PARP4: variants seen among roughly 807,000 people sequenced by gnomAD.
The protein encoded by PARP4 is poly(ADP-ribose) polymerase family member 4, also known as protein mono-ADP-ribosyltransferase PARP4.
In PARP4, 120 loss-of-function variants were observed where a neutral mutation model predicts 187.7. That is an observed-to-expected ratio of 0.64 (90% CI 0.55 to 0.74). PARP4 has a LOEUF of 0.74. Ranked by LOEUF, PARP4 falls within the 30% of genes least tolerant of loss-of-function variation. PARP4 has a pLI of 0.00. For missense variants in PARP4, 1,836 were observed against 2,070.5 expected (o/e 0.89, Z 2.20); for synonymous variants, 654 against 740.9 (o/e 0.88, Z 1.90).
intron 31 of PARP4, among the ~76,000 whole-genome samples, chr13:24,432,335 A>G (rs1447140514): frequency 4.6e-5 from 7 of 152,202 alleles, no homozygotes; most frequent in Admixed American, 3.9e-4. Flanking sequence ...CTTTTAAAGT[A>G]TATGTCATGC....
chr13:24,444,956 G>A (rs1454020073), intron 27 of PARP4, among the ~76,000 whole-genome samples: 8 of 152,172 alleles, frequency 5.3e-5, no homozygotes, highest in Admixed American at 5.2e-4. Flanking sequence ...CGTTACCAGA[G>A]GTGCTTCTAT....
chr13:24,507,882 C>A (rs780658469), intron 1 of PARP4, among the ~76,000 whole-genome samples: 1 of 152,194 alleles, frequency 6.6e-6, no homozygotes, highest in Non-Finnish European at 1.5e-5. Flanking sequence ...ATCTCTGGGA[C>A]CCCCAGCCCT....
chr13:24,494,559 T>G lies in PARP4; in HGVS notation c.741+14A>C. 6.3e-7 allele frequency: 1 copy of G among 1,593,690 alleles called. No individual in the cohort carries two copies. Among genetic ancestry groups the G allele is most frequent in the Non-Finnish European group, 8.5e-7 (1 of 1,171,792 alleles). ...TATTCAATCAACAACAAAAAAATTA[T>G]AAATCAATCTCACTGCTTGCAATTG... On this transcript the variant is annotated intron_variant, in intron 7 of 33. Transcript: ENST00000381989.
At chr13:24,449,364 G>A (rs1424908920) in intron 25 of PARP4, among the ~76,000 whole-genome samples, 2 of 136,982 alleles carry the variant, frequency 1.5e-5, no homozygotes, top group Non-Finnish European at 3.1e-5. Flanking sequence ...CTCCAGCCTG[G>A]GCGACAGAGC....
At chr13:24,431,582 C>G (rs7996670) in intron 31 of PARP4, 106 bp from the exon 32 acceptor site, 255,248 of 724,124 alleles carry the variant, frequency 0.35, 45,601 homozygotes, top group Non-Finnish European at 0.37. Flanking sequence ...AACATATTTT[C>G]ACTACTTGGG....
At chr13:24,466,642 A>C (rs1337167887) in intron 17 of PARP4, among the ~76,000 whole-genome samples, 2 of 151,930 alleles carry the variant, frequency 1.3e-5, no homozygotes, top group Non-Finnish European at 2.9e-5. Context: ...TAAAAATACA[A>C]AAATTAGCTG....
At chr13:24,457,445 A>G (rs747249260) in intron 20 of PARP4, among the ~76,000 whole-genome samples, 2 of 152,144 alleles carry the variant, frequency 1.3e-5, no homozygotes, top group African/African-American at 2.4e-5. Flanking sequence ...AAAAGTGTCC[A>G]TGCAACGGGC....
rs762158628 is a variant in PARP4 at position 24,499,269 on chromosome 13, T to A, written c.477+32A>T. On this transcript the variant is annotated intron_variant, in intron 5 of 33. Coordinates refer to ENST00000381989, the MANE Select transcript of PARP4 (RefSeq NM_006437.4). The stretch of plus-strand genomic sequence containing the variant: ...GACATTCAAACAGGTGTGTTTTTTT[T>A]TTTTTTTGCTAACTAGAAATCAGAT... 7.2e-5 allele frequency: 104 copies of A among 1,447,458 alleles called. 2 individuals are homozygous for A. The highest frequency in any genetic ancestry group is 6.8e-5 in the Non-Finnish European group (75 of 1,106,062). The allele number at this position is 1,447,458 out of a possible 1,614,324, so 89.7% of individuals were successfully genotyped here. A position where few individuals can be genotyped will look rare whatever the true frequency, so the allele number is the denominator to read the frequency against.
At chr13:24,494,824 A>T (rs1365468927) in intron 6 of PARP4, 102 bp from the exon 7 acceptor site, 8 of 737,894 alleles carry the variant, frequency 1.1e-5, no homozygotes, top group Non-Finnish European at 1.7e-5. Context: ...GAAGCTTAGA[A>T]ATTAGTTTTT....
At chr13:24,498,353 A>G in intron 5 of PARP4, 124 bp from the exon 6 acceptor site, 1 of 619,824 alleles carries the variant, frequency 1.6e-6, no homozygotes, top group Non-Finnish European at 2.8e-6. Context: ...GAAAATATAG[A>G]AAAGTATCAA....
At chr13:24,470,891 A>C (rs56906391) in intron 15 of PARP4, among the ~76,000 whole-genome samples, 2,027 of 152,244 alleles carry the variant, frequency 0.013, 43 homozygotes, top group African/African-American at 0.046. Context: ...GAGTCTCCCC[A>C]AATCAGCAGG....
chr13:24,456,220 T>A (rs747638512), intron 21 of PARP4, 121 bp downstream of exon 21: 1 of 718,704 alleles, frequency 1.4e-6, no homozygotes, highest in Non-Finnish European at 2.2e-6. Context: ...AATCTTGAGA[T>A]GTGAGAGTTC....
chr13:24,432,763 T>G (rs897619430), intron 31 of PARP4, among the ~76,000 whole-genome samples: 1 of 151,762 alleles, frequency 6.6e-6, no homozygotes, highest in Non-Finnish European at 1.5e-5. Flanking sequence ...ACTTTAAAAC[T>G]ACCTTCCCTG....
intron 10 of PARP4, among the ~76,000 whole-genome samples, chr13:24,489,777 G>A (rs1868531418): frequency 1.3e-5 from 2 of 152,192 alleles, no homozygotes; most frequent in South Asian, 4.1e-4. Context: ...GTTTTAGTGG[G>A]GCTCTGGAAA....
Position 24,501,938 on chromosome 13 carries a change from G to A in PARP4, c.133-104C>T. 5 of 717,084 alleles carry A rather than the reference G, an allele frequency of 7.0e-6. No individual in the cohort carries two copies. In the South Asian group the frequency reaches 7.6e-5, roughly 11 times the overall value. The allele number at this position is 717,084 out of a possible 1,614,324, so 44.4% of individuals were successfully genotyped here. A position where few individuals can be genotyped will look rare whatever the true frequency, so the allele number is the denominator to read the frequency against. On this transcript the variant is annotated intron_variant, in intron 2 of 33. Coordinates refer to ENST00000381989, the MANE Select transcript of PARP4 (RefSeq NM_006437.4). The stretch of plus-strand genomic sequence containing the variant: ...CCCTTAGAAAGTATTAAGGTAGTTT[G>A]TGATAATCTTTCTCAAATTTCGAAA...
Position 24,491,340 on chromosome 13 carries a change from T to G in PARP4, c.1054-512A>C, listed in dbSNP as rs185958146. ...TTTCACCATGTTGGCCAGGCTGGTC[T>G]CAAACTCCTGACTGGTGATCCATCT... On this transcript the variant is annotated intron_variant, in intron 9 of 33. Transcript: ENST00000381989. Among the ~76,000 whole-genome samples the G allele has an allele frequency of 1.4e-4, 22 of 152,286 alleles. 1 individual carries two copies. The East Asian group carries it at 4.2e-3, about 29-fold the overall frequency.
intron 2 of PARP4, among the ~76,000 whole-genome samples, chr13:24,503,348 T>C (rs1475477863): frequency 2.0e-5 from 3 of 152,210 alleles, no homozygotes; most frequent in Non-Finnish European, 4.4e-5. Flanking sequence ...CCTTCAAGAA[T>C]AGATATGGCT....
At position 24,486,248 on chromosome 13, in the gene PARP4, T is replaced by C. The variant is rs766154983; in HGVS notation, c.1272A>G (p.Thr424=). The C allele has an allele frequency of 1.8e-5, 29 of 1,611,626 alleles. No individual in the cohort carries two copies. The highest frequency in any genetic ancestry group is 2.4e-5 in the Non-Finnish European group (28 of 1,177,860). ...IFRVGRVNET[T]EFLSKLGNVR... ...CATTACCAAGTTTGCTCAAAAACTC[T>C]GTGGTTTCATTCACTCTGCCAACTC... Residue 424 remains threonine, a synonymous_variant, in exon 11 of 34, where the codon ACA becomes ACG. Transcript: ENST00000381989.
chr13:24,445,512 G>C (rs1262390522), intron 27 of PARP4, among the ~76,000 whole-genome samples: 1 of 152,136 alleles, frequency 6.6e-6, no homozygotes, highest in Non-Finnish European at 1.5e-5. Flanking sequence ...CCCACCTAAA[G>C]GGGTTCAGGG....
Sources: gnomAD v4.1 joint callset for allele counts (sites outside exome capture counted in the v4.1 genomes callset) on GRCh38, gnomAD v4.1.1 for gene constraint, MANE v1.5 for transcripts, NCBI Gene and HGNC (gene_info 2026-07-23, HGNC 2026-07-21) for gene names.